Variants in RAB3IL1 observed in about 807,000 individuals in gnomAD.
The protein encoded by RAB3IL1 is RAB3A interacting protein like 1, also known as guanine nucleotide exchange factor for Rab-3A.
Under a neutral mutation model 49.2 loss-of-function variants are expected in RAB3IL1, and 37 were observed. The ratio of observed to expected loss-of-function variants is 0.75; its 90% CI spans 0.58 to 0.99. RAB3IL1 has a LOEUF of 0.99. Among genes scored for constraint, RAB3IL1 ranks in the 50% least tolerant of loss-of-function variants. RAB3IL1 has a pLI of 0.00. For synonymous variants in RAB3IL1, 193 were observed against 213.9 expected, an observed-to-expected ratio of 0.90 and a Z score of 0.85; for missense variants, 484 against 513.0, an observed-to-expected ratio of 0.94 and a Z score of 0.55.
At chr11:61,925,675 C>G in the RAB3IL1 span, among the ~76,000 whole-genome samples, 1 of 151,852 alleles carries the variant, frequency 6.6e-6, no homozygotes, top group Non-Finnish European at 1.5e-5. Context: ...ATGGACATTC[C>G]CTGCAGAGGG....
At chr11:61,928,292 T>C in the RAB3IL1 span, among the ~76,000 whole-genome samples, 1 of 152,104 alleles carries the variant, frequency 6.6e-6, no homozygotes, top group African/African-American at 2.4e-5. Context: ...AGCTGGGAGC[T>C]TTGGCCAGGA....
chr11:61,912,026 T>C (rs1378418301), intron 1 of RAB3IL1, among the ~76,000 whole-genome samples: 1 of 152,136 alleles, frequency 6.6e-6, no homozygotes, highest in African/African-American at 2.4e-5. Context: ...ACCAGCCTAT[T>C]CCTCAACCAG....
intron 1 of RAB3IL1, among the ~76,000 whole-genome samples, chr11:61,911,166 G>A (rs1466842839): frequency 1.3e-5 from 2 of 152,200 alleles, no homozygotes; most frequent in Non-Finnish European, 2.9e-5. Context: ...AGTGGTCCAG[G>A]AGGCCTGTGA....
chr11:61,902,688 A>G, intron 7 of RAB3IL1, 147 bp from the exon 8 acceptor site: 1 of 719,680 alleles, frequency 1.4e-6, no homozygotes. Flanking sequence ...AGGAACCCAG[A>G]GCCAGGCAGA....
chr11:61,912,207 C>T (rs1939482900), intron 1 of RAB3IL1, among the ~76,000 whole-genome samples: 1 of 152,188 alleles, frequency 6.6e-6, no homozygotes, highest in African/African-American at 2.4e-5. Flanking sequence ...GCTGCCAGGG[C>T]CCAGGCCTCT....
At chr11:61,930,058 G>A in the RAB3IL1 span, among the ~76,000 whole-genome samples, 6 of 151,664 alleles carry the variant, frequency 4.0e-5, no homozygotes, top group Non-Finnish European at 1.5e-5. Context: ...ACCATGCCCG[G>A]CTAATCTTTG....
the RAB3IL1 span, among the ~76,000 whole-genome samples, chr11:61,927,718 C>CTAATGAGT: frequency 1.3e-5 from 2 of 152,046 alleles, no homozygotes; most frequent in South Asian, 4.1e-4. Flanking sequence ...TGTTCTTGTG[C>CTAATGAGT]CAGTTCTCAC....
chr11:61,934,319 T>C, the RAB3IL1 span, among the ~76,000 whole-genome samples: 1,429 of 126,536 alleles, frequency 0.011, 32 homozygotes, highest in African/African-American at 0.032. Context: ...TGAGTAAATA[T>C]ACACACACAC....
At chr11:61,920,413 T>G, upstream of RAB3IL1, 33 of 485,852 alleles carry the variant, frequency 6.8e-5, no homozygotes, top group Non-Finnish European at 8.9e-5. Flanking sequence ...CACTGGGCCC[T>G]CCTTCCTGGG....
upstream of RAB3IL1, among the ~76,000 whole-genome samples, chr11:61,918,933 C>T (rs1300901420): frequency 6.6e-6 from 1 of 152,208 alleles, no homozygotes; most frequent in East Asian, 1.9e-4. Context: ...GGGATTCTCT[C>T]TTTCTTGGAG....
chr11:61,929,728 G>A, the RAB3IL1 span, among the ~76,000 whole-genome samples: 23 of 151,088 alleles, frequency 1.5e-4, no homozygotes, highest in Non-Finnish European at 1.5e-5. Flanking sequence ...TGGGACTACA[G>A]GTGTGCACCA....
At chr11:61,929,382 A>T in the RAB3IL1 span, among the ~76,000 whole-genome samples, 2 of 151,820 alleles carry the variant, frequency 1.3e-5, no homozygotes, top group African/African-American at 4.8e-5. Context: ...GCATGCGCCT[A>T]TTGTCCCAGC....
At position 61,908,241 on chromosome 11, in the gene RAB3IL1, G is replaced by A. The variant is rs374291951; in HGVS notation, c.77C>T (p.Thr26Met). 169 of 1,534,132 alleles carry A rather than the reference G, an allele frequency of 1.1e-4. No homozygotes were observed. Among genetic ancestry groups the A allele is most frequent in the Non-Finnish European group, 1.4e-4 (161 of 1,138,990 alleles). Residue 26 changes from threonine (T) to methionine (M), a missense_variant, in exon 2 of 10, where the codon ACG (threonine) becomes ATG (methionine). Coordinates refer to ENST00000394836, the MANE Select transcript of RAB3IL1 (RefSeq NM_013401.4). ...LAAVPVPWKSTDPCQGHRESP... is the reference protein window; with the variant it reads ...LAAVPVPWKSMDPCQGHRESP... ...CTCCCTGTGGCCTTGGCAGGGGTCCGTGCTCTTCCAGGGGACCGGGACAGC... is the reference window on the plus strand; with the variant it reads ...CTCCCTGTGGCCTTGGCAGGGGTCCATGCTCTTCCAGGGGACCGGGACAGC...
the RAB3IL1 span, among the ~76,000 whole-genome samples, chr11:61,929,265 G>A: frequency 2.0e-5 from 3 of 152,096 alleles, no homozygotes; most frequent in Non-Finnish European, 1.5e-5. Context: ...AGCACTTTGG[G>A]AGGCTGAGGC....
At chr11:61,946,245 G>A in the RAB3IL1 span, among the ~76,000 whole-genome samples, 10 of 152,228 alleles carry the variant, frequency 6.6e-5, no homozygotes, top group East Asian at 1.9e-4. Flanking sequence ...GACTTACCCC[G>A]GGGCCCCCTG....
At chr11:61,932,711 C>CT in the RAB3IL1 span, among the ~76,000 whole-genome samples, 7 of 150,292 alleles carry the variant, frequency 4.7e-5, no homozygotes, top group Non-Finnish European at 8.9e-5. Context: ...TCTTCTAGAA[C>CT]TTTTTTTTAA....
At chr11:61,934,446 G>GTGTGTGTGTGTATATA in the RAB3IL1 span, among the ~76,000 whole-genome samples, 3 of 24,400 alleles carry the variant, frequency 1.2e-4, no homozygotes, top group Non-Finnish European at 3.7e-4. Flanking sequence ...GTGTGTGTGT[G>GTGTGTGTGTGTATATA]TATGTATATA....
At chr11:61,920,280 A>C, upstream of RAB3IL1, 1 of 1,233,160 alleles carries the variant, frequency 8.1e-7, no homozygotes, top group Non-Finnish European at 1.0e-6. Flanking sequence ...GCTGAGCCTC[A>C]CACTAACCTT....
At chr11:61,914,947 A>C (rs1330580678) in intron 1 of RAB3IL1, among the ~76,000 whole-genome samples, 1 of 152,048 alleles carries the variant, frequency 6.6e-6, no homozygotes, top group Non-Finnish European at 1.5e-5. Context: ...TGAACAGGAC[A>C]CCTCCCAACT....
Sources: allele counts gnomAD v4.1 joint callset (sites outside exome capture counted in the v4.1 genomes callset), GRCh38; gene constraint gnomAD v4.1.1; transcripts MANE v1.5; gene names NCBI Gene and HGNC (gene_info 2026-07-23, HGNC 2026-07-21).